DPPA4: variants seen among roughly 807,000 people sequenced by gnomAD.
DPPA4 encodes the protein developmental pluripotency-associated protein 4.
In DPPA4, 22 loss-of-function variants were observed where a neutral mutation model predicts 33.7. The observed-to-expected ratio is 0.65, with a 90% CI of 0.47 to 0.93. The LOEUF (loss-of-function observed/expected upper bound fraction) is 0.93. DPPA4 is among the 40% of genes least tolerant of loss of function. The pLI is 0.00. For missense variants in DPPA4, 340 were observed against 358.6 expected, an observed-to-expected ratio of 0.95 and a Z score of 0.42; for synonymous variants, 156 against 132.3, an observed-to-expected ratio of 1.18 and a Z score of -1.23.
At chr3:109,337,331 T>TA (rs533418571) in intron 1 of DPPA4, 133 bp downstream of exon 1, 11,035 of 601,398 alleles carry the variant, frequency 0.018, 7 homozygotes, top group African/African-American at 0.037. Context: ...ACTCTTAAAA[T>TA]AAAAAAAAAA....
rs1413255404 is a variant in DPPA4 at position 109,333,816 on chromosome 3, C to T, written c.178+54G>A. On this transcript the variant is annotated intron_variant, in intron 2 of 6. Coordinates refer to ENST00000335658, the MANE Select transcript of DPPA4 (RefSeq NM_018189.4). Reference sequence around the variant, plus strand: ...TGGTTTTTCTTCTTCAGAAAAATTCCTCTGGCTTCTAAGACCCGAGAAGGT... The same window carrying T: ...TGGTTTTTCTTCTTCAGAAAAATTCTTCTGGCTTCTAAGACCCGAGAAGGT... The T allele has an allele frequency of 5.0e-6, 8 of 1,592,274 alleles. No individual in the cohort carries two copies. The East Asian group carries it at 1.8e-4, about 36-fold the overall frequency.
intron 5 of DPPA4, chr3:109,329,609 T>G (rs527489602): frequency 6.4e-6 from 1 of 156,636 alleles, no homozygotes; most frequent in African/African-American, 2.4e-5. Flanking sequence ...AGTAGTATAG[T>G]TGTAGGTGGG....
intron 5 of DPPA4, 184 bp downstream of exon 5, chr3:109,330,340 A>G: frequency 1.8e-6 from 1 of 556,488 alleles, no homozygotes; most frequent in Non-Finnish European, 3.2e-6. Flanking sequence ...AAGGAAAAAA[A>G]AAAAAGAAAT....
chr3:109,330,333 G>GAA (rs5851663), intron 5 of DPPA4, 191 bp downstream of exon 5: 12 of 410,220 alleles, frequency 2.9e-5, no homozygotes, highest in Admixed American at 1.2e-4. Context: ...AAAAAAAAAG[G>GAA]AAAAAAAAAA....
In DPPA4 at chr3:109,326,968, T is replaced by C. The variant is rs986841306; in HGVS notation, c.*1020A>G. On this transcript the variant is annotated 3_prime_UTR_variant, in exon 7 of 7. Transcript: ENST00000335658. ...ATTATTTTACATACACATCTTATTT[T>C]TATTTATGGAGAATCGGTTAATAAA... The C allele has an allele frequency of 3.3e-5, 5 of 152,220 alleles. No homozygotes were observed. The highest frequency in any genetic ancestry group is 2.9e-5 in the Non-Finnish European group (2 of 68,044). The allele number at this position is 152,220 out of a possible 1,614,324, so 9.4% of individuals were successfully genotyped here.
At chr3:109,333,549 A>C (rs1165947971) in intron 2 of DPPA4, 8 of 231,522 alleles carry the variant, frequency 3.5e-5, no homozygotes, top group Admixed American at 1.1e-4. Flanking sequence ...GTCCGGTTTC[A>C]AGAATGGATC....
chr3:109,334,128 G>T, intron 1 of DPPA4, 135 bp from the exon 2 acceptor site: 2 of 915,344 alleles, frequency 2.2e-6, no homozygotes, highest in Non-Finnish European at 3.2e-6. Context: ...TCTCCTCTGG[G>T]TATCATCTTA....
rs1422058308 is a variant in DPPA4, at chr3:109,328,907, G to A, written c.861C>T (p.Cys287=). ...GTAATTACCTGTGAACACATTTGGGGCACAACATATTGTCTTCAAGGTGCG... is the reference window on the plus strand; with the variant it reads ...GTAATTACCTGTGAACACATTTGGGACACAACATATTGTCTTCAAGGTGCG... ...PPPHLEDNML[C]PKCVHRNKVL... is the part of the protein sequence containing the mutation. The change falls in exon 6 of 7, where the codon TGC becomes TGT. Residue 287 remains cysteine (C), a synonymous_variant. Transcript: ENST00000335658. 6.2e-6 allele frequency: 10 copies of A among 1,613,852 alleles called. No homozygotes were observed. Among genetic ancestry groups the A allele is most frequent in the Non-Finnish European group, 7.6e-6 (9 of 1,179,882 alleles).
chr3:109,328,482 A>G (rs1404465605), intron 6 of DPPA4, among the ~76,000 whole-genome samples: 1 of 152,164 alleles, frequency 6.6e-6, no homozygotes, highest in Non-Finnish European at 1.5e-5. Context: ...TCTCCTTTCC[A>G]TCTAGTCGAT....
rs1455617611 is a variant in DPPA4 at position 109,332,946 on chromosome 3, C to T, written c.179-915G>A. ...GTCTCTACTTAAAAAATTAGCTGGG[C>T]GTGGTGGCACATGCCTGTAATCCCA... On this transcript the variant is annotated intron_variant, in intron 2 of 6. Coordinates refer to ENST00000335658, the MANE Select transcript of DPPA4 (RefSeq NM_018189.4). Among the ~76,000 whole-genome samples the T allele has an allele frequency of 3.9e-5, 6 of 152,182 alleles. No individual in the cohort carries two copies. The East Asian group carries it at 7.7e-4, about 20-fold the overall frequency.
upstream of DPPA4, among the ~76,000 whole-genome samples, chr3:109,338,836 A>T (rs893323631): frequency 6.6e-6 from 1 of 151,412 alleles, no homozygotes; most frequent in African/African-American, 2.5e-5. Flanking sequence ...AGGTTTGTGT[A>T]TAAAGTGTAT....
chr3:109,332,549 C>G (rs1476407061), intron 2 of DPPA4, among the ~76,000 whole-genome samples: 1 of 152,110 alleles, frequency 6.6e-6, no homozygotes, highest in African/African-American at 2.4e-5. Context: ...GTGGTGGCAT[C>G]GGAGGTTGCA....
intron 2 of DPPA4, chr3:109,333,661 TG>T (rs2107348651): frequency 2.4e-6 from 1 of 409,334 alleles, no homozygotes; most frequent in East Asian, 4.8e-5. Context: ...AAATATGCTG[TG>T]GAAGTCTGAA....
At chr3:109,329,331 C>A (rs572321668) in intron 5 of DPPA4, 3 of 439,344 alleles carry the variant, frequency 6.8e-6, no homozygotes, top group African/African-American at 6.0e-5. Flanking sequence ...GTCAGGAGAT[C>A]GAGACCATCC....
chr3:109,333,754 G>T, intron 2 of DPPA4, 116 bp downstream of exon 2: 1 of 1,257,416 alleles, frequency 8.0e-7, no homozygotes, highest in Non-Finnish European at 1.1e-6. Flanking sequence ...TCCATGAAGT[G>T]CAGGATTTGC....
chr3:109,329,545 C>T (rs1014345803), intron 5 of DPPA4: 1 of 160,464 alleles, frequency 6.2e-6, no homozygotes, highest in Non-Finnish European at 1.4e-5. Context: ...AAAAGCAAAA[C>T]AAAACAAAAA....
intron 2 of DPPA4, 79 bp downstream of exon 2, chr3:109,333,791 T>G: frequency 1.3e-6 from 2 of 1,534,288 alleles, no homozygotes; most frequent in Non-Finnish European, 1.8e-6. Flanking sequence ...ATTTCTTCCC[T>G]GGTTTTTCTT....
chr3:109,337,475 T>C lies in DPPA4; in HGVS notation c.43A>G (p.Lys15Glu). 1.2e-6 allele frequency: 2 copies of C among 1,614,168 alleles called. No homozygotes were observed. The highest frequency in any genetic ancestry group is 1.1e-5 in the South Asian group (1 of 91,074). The change falls in exon 1 of 7, where the codon AAA becomes GAA. Residue 15 changes from lysine (K) to glutamate (E), a missense_variant. Coordinates refer to ENST00000335658, the MANE Select transcript of DPPA4 (RefSeq NM_018189.4). ...AAAACTGTACTGACCTCCTTGCCTT[T>C]TGCCTTCTCCATACTTGTAGAAGAA... ...SASSTSMEKA[K>E]GKEWTSTEKS...
rs6437838 is a variant in DPPA4 at position 109,326,337 on chromosome 3, G to T, written c.*1651C>A. 2 of 151,914 alleles carry T rather than the reference G, an allele frequency of 1.3e-5. No individual in the cohort carries two copies. The highest frequency in any genetic ancestry group is 6.6e-5 in the Admixed American group (1 of 15,222). 9.4% of individuals were successfully genotyped at this position (151,914 alleles called of 1,614,324 possible). A position where few individuals can be genotyped will look rare whatever the true frequency, so the allele number is the denominator to read the frequency against. The stretch of plus-strand genomic sequence containing the variant: ...GGAGAAGTTTAAAAAGGAAACAAAA[G>T]GAACAATACACATAGTATAAGAAAA... On this transcript the variant is annotated 3_prime_UTR_variant, in exon 7 of 7. Coordinates refer to ENST00000335658, the MANE Select transcript of DPPA4 (RefSeq NM_018189.4).
Sources: gnomAD v4.1 joint callset for allele counts (sites outside exome capture counted in the v4.1 genomes callset) on GRCh38, gnomAD v4.1.1 for gene constraint, MANE v1.5 for transcripts, NCBI Gene and HGNC (gene_info 2026-07-23, HGNC 2026-07-21) for gene names.